NR2F1-AS1: variants seen among roughly 807,000 people sequenced by gnomAD.
NR2F1-AS1 encodes NR2F1 antisense RNA 1.
chr5:93,552,694 A>G (rs1752259685), intron 4 of NR2F1-AS1, among the ~76,000 whole-genome samples: 1 of 151,854 alleles, frequency 6.6e-6, no homozygotes, highest in South Asian at 2.1e-4. Flanking sequence ...AAAGGACACG[A>G]GCAAAGCAAG....
chr5:93,547,039 G>A (rs1158140857), intron 4 of NR2F1-AS1, among the ~76,000 whole-genome samples: 2 of 152,186 alleles, frequency 1.3e-5, no homozygotes, highest in Non-Finnish European at 2.9e-5. Context: ...CACCTGCTGT[G>A]TGAGTTTCCA....
chr5:93,554,080 T>C (rs1752294631), intron 3 of NR2F1-AS1, among the ~76,000 whole-genome samples: 1 of 152,166 alleles, frequency 6.6e-6, no homozygotes, highest in African/African-American at 2.4e-5. Flanking sequence ...TACCTAAATA[T>C]GCAAATAATG....
At chr5:93,446,654 TC>T (rs1749715680) in intron 4 of NR2F1-AS1, among the ~76,000 whole-genome samples, 1 of 152,126 alleles carries the variant, frequency 6.6e-6, no homozygotes, top group African/African-American at 2.4e-5. Flanking sequence ...TTCAATGCTA[TC>T]CCCATCAATC....
intron 1 of NR2F1-AS1, among the ~76,000 whole-genome samples, chr5:93,568,016 T>C (rs985807990): frequency 1.3e-5 from 2 of 152,214 alleles, no homozygotes; most frequent in African/African-American, 2.4e-5. Flanking sequence ...CCTACTAATC[T>C]ACAACTTAAC....
chr5:93,583,539 A>G (rs1309061034), upstream of NR2F1-AS1: 1 of 149,472 alleles, frequency 6.7e-6, no homozygotes, highest in African/African-American at 2.5e-5. Context: ...AAAAAAAAGG[A>G]GGAGGAGGAG....
At chr5:93,415,634 T>C (rs1748952325) in intron 4 of NR2F1-AS1, among the ~76,000 whole-genome samples, 1 of 152,210 alleles carries the variant, frequency 6.6e-6, no homozygotes, top group African/African-American at 2.4e-5. Context: ...GACTTAACTT[T>C]TTTAAATGAT....
At chr5:93,519,088 T>C (rs998159659) in intron 4 of NR2F1-AS1, among the ~76,000 whole-genome samples, 6 of 152,088 alleles carry the variant, frequency 3.9e-5, no homozygotes, top group Admixed American at 2.6e-4. Flanking sequence ...GGCAATGTCA[T>C]GTTGAAGACT....
intron 4 of NR2F1-AS1, among the ~76,000 whole-genome samples, chr5:93,435,204 G>A (rs1357121527): frequency 6.6e-6 from 1 of 152,018 alleles, no homozygotes; most frequent in Admixed American, 6.5e-5. Flanking sequence ...ACATTTATCA[G>A]TTAGTATCCT....
chr5:93,426,094 CTGGAGTGCAG>C (rs978061343), intron 4 of NR2F1-AS1, among the ~76,000 whole-genome samples: 6 of 151,844 alleles, frequency 4.0e-5, no homozygotes, highest in African/African-American at 1.5e-4. Flanking sequence ...GTCACCCAGG[CTGGAGTGCAG>C]TGGTGCCATC....
intron 4 of NR2F1-AS1, among the ~76,000 whole-genome samples, chr5:93,438,491 ACTAT>A (rs1388376555): frequency 6.6e-6 from 1 of 152,070 alleles, no homozygotes; most frequent in East Asian, 1.9e-4. Flanking sequence ...TTTCTCTCAA[ACTAT>A]CTATTTATCT....
intron 4 of NR2F1-AS1, among the ~76,000 whole-genome samples, chr5:93,546,167 G>A (rs532441387): frequency 6.6e-6 from 1 of 152,260 alleles, no homozygotes; most frequent in African/African-American, 2.4e-5. Flanking sequence ...AAGGTATCTA[G>A]CATATAAGAA....
chr5:93,436,020 T>C (rs1190923062), intron 4 of NR2F1-AS1, among the ~76,000 whole-genome samples: 1 of 152,236 alleles, frequency 6.6e-6, no homozygotes, highest in Non-Finnish European at 1.5e-5. Flanking sequence ...TGTATCACTT[T>C]ATTATAGAAT....
intron 4 of NR2F1-AS1, among the ~76,000 whole-genome samples, chr5:93,426,401 A>G (rs1444420806): frequency 6.6e-6 from 1 of 152,134 alleles, no homozygotes; most frequent in African/African-American, 2.4e-5. Context: ...TGCCAAAAGC[A>G]TTTTTTCCTG....
chr5:93,414,440 C>CATT (rs1271148163), intron 4 of NR2F1-AS1, among the ~76,000 whole-genome samples: 1 of 152,132 alleles, frequency 6.6e-6, no homozygotes, highest in Admixed American at 6.5e-5. Context: ...ACCCTTAGTA[C>CATT]TAATATATGT....
At chr5:93,516,217 G>A (rs1044233843) in intron 4 of NR2F1-AS1, among the ~76,000 whole-genome samples, 1 of 151,764 alleles carries the variant, frequency 6.6e-6, no homozygotes, top group African/African-American at 2.4e-5. Flanking sequence ...AGTAAACAAG[G>A]TCAAAAGGTA....
At chr5:93,533,996 T>C (rs1408822867) in intron 4 of NR2F1-AS1, among the ~76,000 whole-genome samples, 1 of 152,048 alleles carries the variant, frequency 6.6e-6, no homozygotes, top group African/African-American at 2.4e-5. Flanking sequence ...GGCACGAGAA[T>C]CCCTTGAACC....
At chr5:93,521,207 C>G (rs1180236449) in intron 4 of NR2F1-AS1, among the ~76,000 whole-genome samples, 1 of 152,086 alleles carries the variant, frequency 6.6e-6, no homozygotes, top group African/African-American at 2.4e-5. Flanking sequence ...ACACCACATA[C>G]AAAAATCAAC....
chr5:93,527,065 T>C (rs1460907136), intron 4 of NR2F1-AS1, among the ~76,000 whole-genome samples: 1 of 152,202 alleles, frequency 6.6e-6, no homozygotes, highest in Admixed American at 6.5e-5. Flanking sequence ...TTGTCTCTGT[T>C]TGCAGATGAC....
chr5:93,458,961 G>A (rs944160328), intron 4 of NR2F1-AS1, among the ~76,000 whole-genome samples: 4 of 151,374 alleles, frequency 2.6e-5, no homozygotes, highest in Admixed American at 2.0e-4. Flanking sequence ...GCAGTGAGCC[G>A]AGATCACACC....
Sources: allele counts gnomAD v4.1 joint callset (sites outside exome capture counted in the v4.1 genomes callset), GRCh38; gene constraint gnomAD v4.1.1; transcripts MANE v1.5; gene names NCBI Gene and HGNC (gene_info 2026-07-23, HGNC 2026-07-21).